Variants in RPS6KA2 observed in about 807,000 individuals in gnomAD.
RPS6KA2 encodes ribosomal protein S6 kinase A2.
In RPS6KA2, 42 loss-of-function variants were observed where a neutral mutation model predicts 91.8. That is an observed-to-expected ratio of 0.46 (90% confidence interval 0.36 to 0.59). RPS6KA2 has a LOEUF of 0.59. Ranked by LOEUF, RPS6KA2 falls within the 20% of genes least tolerant of loss-of-function variation. RPS6KA2 has a pLI of 0.00. For missense variants in RPS6KA2, 798 were observed against 978.5 expected (o/e 0.82, Z 2.46); for synonymous variants, 414 against 393.6 (o/e 1.05, Z -0.61).
At chr6:166,616,561 G>C (rs1786420735) in intron 1 of RPS6KA2, among the ~76,000 whole-genome samples, 1 of 152,212 alleles carries the variant, frequency 6.6e-6, no homozygotes, top group Non-Finnish European at 1.5e-5. Context: ...GGGACAGCCA[G>C]GCTCAAGAGA....
chr6:166,615,861 C>T (rs1583329867), intron 1 of RPS6KA2, among the ~76,000 whole-genome samples: 1 of 152,176 alleles, frequency 6.6e-6, no homozygotes, highest in Non-Finnish European at 1.5e-5. Flanking sequence ...GCAGGACTCC[C>T]GCCCACTCTT....
chr6:166,638,411 G>C (rs952799714), intron 2 of RPS6KA2, among the ~76,000 whole-genome samples: 3 of 152,188 alleles, frequency 2.0e-5, no homozygotes, highest in African/African-American at 7.2e-5. Context: ...TTAAAGACAA[G>C]AGACTCAAAG....
chr6:166,844,974 T>TA (rs1261499494), intron 2 of RPS6KA2, among the ~76,000 whole-genome samples: 1 of 152,074 alleles, frequency 6.6e-6, no homozygotes, highest in Non-Finnish European at 1.5e-5. Context: ...ATGCCCCACT[T>TA]AAAAGATACA....
chr6:166,715,193 CA>C lies in RPS6KA2; in HGVS notation c.123+143006del, dbSNP rs2128581906. Among the ~76,000 whole-genome samples the C allele has an allele frequency of 3.3e-5, 5 of 152,364 alleles. 1 individual carries two copies. Among genetic ancestry groups the C allele is most frequent in the Admixed American group, 3.3e-4 (5 of 15,312 alleles). On this transcript the variant is annotated intron_variant, in intron 2 of 21. Coordinates refer to the RPS6KA2 transcript ENST00000503859. ...AGCCCGAGGCGGGAAGCAAGCCCAGCACAGCCCCTCCTGGTGGCTTCCCTCC... is the reference window on the plus strand; with the variant it reads ...AGCCCGAGGCGGGAAGCAAGCCCAGCCAGCCCCTCCTGGTGGCTTCCCTCC...
chr6:166,479,032 C>T (rs1345147609), intron 10 of RPS6KA2, among the ~76,000 whole-genome samples: 1 of 152,234 alleles, frequency 6.6e-6, no homozygotes, highest in African/African-American at 2.4e-5. Flanking sequence ...TGGACTCCAG[C>T]CTCTCCCACA....
intron 2 of RPS6KA2, among the ~76,000 whole-genome samples, chr6:166,739,706 C>T (rs978731880): frequency 2.0e-5 from 3 of 152,338 alleles, no homozygotes; most frequent in Middle Eastern, 3.4e-3. Flanking sequence ...ATGCAGCCTC[C>T]GCCTAAAAGA....
chr6:166,427,684 A>G (rs1185610678), intron 16 of RPS6KA2, among the ~76,000 whole-genome samples: 3 of 152,346 alleles, frequency 2.0e-5, no homozygotes, highest in Non-Finnish European at 2.9e-5. Flanking sequence ...CCAAATCATG[A>G]GTGAACTCCC....
At chr6:166,619,045 T>C (rs746450960) in intron 1 of RPS6KA2, among the ~76,000 whole-genome samples, 1 of 152,126 alleles carries the variant, frequency 6.6e-6, no homozygotes, top group East Asian at 1.9e-4. Context: ...TGGGCTCCCA[T>C]CGATGCCATC....
chr6:166,773,365 A>T (rs1420348522), intron 2 of RPS6KA2, among the ~76,000 whole-genome samples: 1 of 149,772 alleles, frequency 6.7e-6, no homozygotes, highest in Non-Finnish European at 1.5e-5. Flanking sequence ...GAAGCAATCC[A>T]CTTTTCTTTT....
rs866342284 is a variant in RPS6KA2 at position 166,586,463 on chromosome 6, G to A, written c.99+40458C>T. 1.8e-5 allele frequency: 28 copies of A among 1,598,232 alleles called. 1 individual carries two copies. In the Middle Eastern group the frequency reaches 5.9e-4, roughly 34 times the overall value. On this transcript the variant is annotated intron_variant, in intron 1 of 20. Transcript: ENST00000265678. Reference sequence around the variant, plus strand: ...TCTCTTCAAAATTTGGAACAGCTTCGGCAGTGTCAGTCATTCTGAAAATCC... The same window carrying A: ...TCTCTTCAAAATTTGGAACAGCTTCAGCAGTGTCAGTCATTCTGAAAATCC...
At chr6:166,776,480 T>A (rs1235597183) in intron 2 of RPS6KA2, among the ~76,000 whole-genome samples, 1 of 152,042 alleles carries the variant, frequency 6.6e-6, no homozygotes, top group Non-Finnish European at 1.5e-5. Context: ...ACATGAATGA[T>A]GAGGTGGCGT....
chr6:166,609,790 G>A (rs1039400768), intron 1 of RPS6KA2, among the ~76,000 whole-genome samples: 10 of 152,100 alleles, frequency 6.6e-5, no homozygotes, highest in African/African-American at 1.9e-4. Context: ...GTGAGCCACC[G>A]TGCCTGGCGT....
intron 16 of RPS6KA2, among the ~76,000 whole-genome samples, chr6:166,425,221 T>C (rs1040390639): frequency 4.6e-5 from 7 of 152,200 alleles, no homozygotes; most frequent in Middle Eastern, 3.2e-3. Context: ...CCTTTTTCTT[T>C]GTCTTCTTTA....
At chr6:166,805,792 A>G (rs1209603002) in intron 2 of RPS6KA2, among the ~76,000 whole-genome samples, 1 of 152,214 alleles carries the variant, frequency 6.6e-6, no homozygotes, top group African/African-American at 2.4e-5. Context: ...CTGTCCCTGA[A>G]AAAGACCTGA....
intron 2 of RPS6KA2, among the ~76,000 whole-genome samples, chr6:166,653,706 T>C (rs759052080): frequency 6.6e-6 from 1 of 152,216 alleles, no homozygotes; most frequent in Non-Finnish European, 1.5e-5. Flanking sequence ...GGAATGCTAC[T>C]TGAAATCCCA....
At chr6:166,764,070 T>C (rs943780922) in intron 2 of RPS6KA2, among the ~76,000 whole-genome samples, 2 of 152,180 alleles carry the variant, frequency 1.3e-5, no homozygotes, top group East Asian at 3.8e-4. Flanking sequence ...GGAATTGCCA[T>C]GTGCGGGGCT....
chr6:166,499,787 C>T (rs1310521648), intron 7 of RPS6KA2, among the ~76,000 whole-genome samples: 2 of 151,380 alleles, frequency 1.3e-5, no homozygotes, highest in Non-Finnish European at 2.9e-5. Context: ...ACTTTGAGAA[C>T]AGACTAATAC....
intron 1 of RPS6KA2, among the ~76,000 whole-genome samples, chr6:166,559,320 A>G (rs1179836113): frequency 1.3e-5 from 2 of 152,208 alleles, no homozygotes; most frequent in Non-Finnish European, 2.9e-5. Context: ...GGCATGTAAC[A>G]GGAGAAAATA....
At chr6:166,589,166 C>G (rs551552887) in intron 1 of RPS6KA2, among the ~76,000 whole-genome samples, 1 of 152,284 alleles carries the variant, frequency 6.6e-6, no homozygotes, top group East Asian at 1.9e-4. Flanking sequence ...AAAATGATGG[C>G]TATGGGGCCA....
Sources: allele counts gnomAD v4.1 joint callset (sites outside exome capture counted in the v4.1 genomes callset), GRCh38; gene constraint gnomAD v4.1.1; transcripts MANE v1.5; gene names NCBI Gene and HGNC (gene_info 2026-07-23, HGNC 2026-07-21).